Variants in DLG1 observed in about 807,000 individuals in gnomAD.
The protein encoded by DLG1 is disks large homolog 1.
In DLG1, 42 loss-of-function variants were observed where a neutral mutation model predicts 123.4. The observed-to-expected ratio is 0.34, with a 90% CI of 0.27 to 0.44. The LOEUF is 0.44. DLG1 is among the 20% of genes least tolerant of loss of function. DLG1 has a pLI of 1.00. For synonymous variants in DLG1, 317 were observed against 356.2 expected (o/e 0.89, Z 1.24); for missense variants, 942 against 1,082.6 (o/e 0.87, Z 1.82).
At chr3:197,154,967 G>A (rs1473852611) in intron 5 of DLG1, among the ~76,000 whole-genome samples, 1 of 152,102 alleles carries the variant, frequency 6.6e-6, no homozygotes, top group Non-Finnish European at 1.5e-5. Flanking sequence ...ACCAACTAAT[G>A]CATTGTGGGA....
chr3:197,054,236 C>G (rs1730049205), intron 23 of DLG1, among the ~76,000 whole-genome samples: 1 of 152,142 alleles, frequency 6.6e-6, no homozygotes, highest in Admixed American at 6.5e-5. Flanking sequence ...TAAGTTTATC[C>G]TGCTTTGAGT....
At chr3:197,123,210 T>C (rs998535012) in intron 11 of DLG1, among the ~76,000 whole-genome samples, 1 of 152,162 alleles carries the variant, frequency 6.6e-6, no homozygotes, top group African/African-American at 2.4e-5. Context: ...AAGTCCCTTA[T>C]GACCTAAGGA....
Position 197,065,348 on chromosome 3 carries a change from G to A in DLG1, c.2301C>T (p.Phe767=). Residue 767 remains phenylalanine (F), a synonymous_variant, in exon 22 of 25, where the codon TTC becomes TTT. Coordinates refer to ENST00000667157, the MANE Select transcript of DLG1 (RefSeq NM_001366207.1). ...QMEKDIQEHK[F]IEAGQYNNHL... Reference sequence around the variant, plus strand: ...GATTGTTATACTGGCCAGCTTCAATGAATTTATGTTCCTGGATATCTTTTT... The same window carrying A: ...GATTGTTATACTGGCCAGCTTCAATAAATTTATGTTCCTGGATATCTTTTT... 9 of 1,613,242 alleles carry A rather than the reference G, an allele frequency of 5.6e-6. No individual in the cohort carries two copies. Among genetic ancestry groups the A allele is most frequent in the Non-Finnish European group, 7.6e-6 (9 of 1,179,762 alleles).
intron 23 of DLG1, among the ~76,000 whole-genome samples, chr3:197,053,254 T>C (rs1422415833): frequency 6.6e-6 from 1 of 152,252 alleles, no homozygotes; most frequent in African/African-American, 2.4e-5. Flanking sequence ...TACTGTCTAG[T>C]ACTCTTTCAT....
chr3:197,186,687 A>G (rs750069349), intron 5 of DLG1, among the ~76,000 whole-genome samples: 15 of 152,216 alleles, frequency 9.9e-5, no homozygotes, highest in Non-Finnish European at 1.5e-4. Context: ...GTACGTTTCT[A>G]AAGTCACAAA....
chr3:197,076,567 A>G lies in DLG1; in HGVS notation c.2005+19T>C, dbSNP rs1309711649. 1.3e-6 allele frequency: 2 copies of G among 1,583,568 alleles called. No individual in the cohort carries two copies. Among genetic ancestry groups the G allele is most frequent in the East Asian group, 2.3e-5 (1 of 44,070 alleles). ...CTCTCCATTTTATTTTCAGTTGACC[A>G]CTGGATCCACATACTTACGGTCAGC... is the stretch of plus-strand genomic sequence containing the variant. On this transcript the variant is annotated intron_variant, in intron 18 of 24. Coordinates refer to ENST00000667157, the MANE Select transcript of DLG1 (RefSeq NM_001366207.1).
chr3:197,227,345 C>T (rs1414036399), intron 4 of DLG1, among the ~76,000 whole-genome samples: 3 of 151,928 alleles, frequency 2.0e-5, no homozygotes, highest in East Asian at 1.9e-4. Flanking sequence ...CGTGGTGGTA[C>T]GCACCTGTAG....
chr3:197,051,165 G>C (rs1033724688), intron 24 of DLG1, among the ~76,000 whole-genome samples: 12 of 152,190 alleles, frequency 7.9e-5, no homozygotes, highest in African/African-American at 2.9e-4. Context: ...CCTGAGGTCA[G>C]GAGTTCGAGA....
chr3:197,278,782 G>A (rs1553811530), intron 4 of DLG1, among the ~76,000 whole-genome samples: 1 of 151,188 alleles, frequency 6.6e-6, no homozygotes, highest in Non-Finnish European at 1.5e-5. Flanking sequence ...TAAAGATGAA[G>A]ATTTGCATTT....
intron 4 of DLG1, among the ~76,000 whole-genome samples, chr3:197,270,553 A>T (rs966922271): frequency 2.0e-5 from 3 of 152,216 alleles, no homozygotes; most frequent in Non-Finnish European, 1.5e-5. Flanking sequence ...CTACAAACAG[A>T]ATGATTAAAT....
intron 3 of DLG1, among the ~76,000 whole-genome samples, chr3:197,285,412 G>T (rs899005250): frequency 1.1e-4 from 17 of 151,878 alleles, no homozygotes; most frequent in African/African-American, 4.1e-4. Context: ...ACATAATACC[G>T]GTGACATTTC....
intron 5 of DLG1, among the ~76,000 whole-genome samples, chr3:197,169,894 G>A (rs6766745): frequency 6.6e-5 from 10 of 151,956 alleles, no homozygotes; most frequent in South Asian, 4.2e-4. Flanking sequence ...TTATTTTTCC[G>A]GATCTTCTCC....
intron 23 of DLG1, among the ~76,000 whole-genome samples, chr3:197,051,970 T>C (rs1424993185): frequency 6.6e-6 from 1 of 150,972 alleles, no homozygotes; most frequent in Non-Finnish European, 1.5e-5. Context: ...ATCTCTCAAG[T>C]AGCTGGATTA....
At chr3:197,116,836 GC>G (rs1050634864) in intron 12 of DLG1, among the ~76,000 whole-genome samples, 64 of 152,162 alleles carry the variant, frequency 4.2e-4, no homozygotes, top group African/African-American at 1.4e-3. Context: ...CCATCTTCAG[GC>G]TTTTTATATG....
chr3:197,127,423 C>CAA (rs34530877), intron 11 of DLG1, among the ~76,000 whole-genome samples: 1 of 39,562 alleles, frequency 2.5e-5, no homozygotes, highest in African/African-American at 1.2e-4. Flanking sequence ...ATTCTGTCTC[C>CAA]AAAAAAAAAA....
chr3:197,192,057 C>G (rs1719891072), intron 5 of DLG1, among the ~76,000 whole-genome samples: 1 of 151,542 alleles, frequency 6.6e-6, no homozygotes, highest in Non-Finnish European at 1.5e-5. Context: ...GCCTGTAGAC[C>G]CAGCTACTTG....
At chr3:197,298,033 C>G (rs952775521) in intron 1 of DLG1, 5 of 657,096 alleles carry the variant, frequency 7.6e-6, no homozygotes, top group Non-Finnish European at 9.4e-6. Context: ...CCGGCCCGCT[C>G]GCCCAGTTGC....
intron 6 of DLG1, among the ~76,000 whole-genome samples, chr3:197,143,758 A>T (rs1374738754): frequency 6.6e-6 from 1 of 152,132 alleles, no homozygotes; most frequent in Non-Finnish European, 1.5e-5. Flanking sequence ...TTTCCATTAC[A>T]TATCCTGCAA....
At chr3:197,296,281 A>T in intron 3 of DLG1, 65 bp downstream of exon 3, 1 of 1,467,988 alleles carries the variant, frequency 6.8e-7, no homozygotes. Context: ...TTAAGTTTAA[A>T]ATAAATGAAT....
Sources: allele counts gnomAD v4.1 joint callset (sites outside exome capture counted in the v4.1 genomes callset), GRCh38; gene constraint gnomAD v4.1.1; transcripts MANE v1.5; gene names NCBI Gene and HGNC (gene_info 2026-07-23, HGNC 2026-07-21).